Variants in PRAMEF20 observed in about 807,000 individuals in gnomAD.
PRAMEF20 encodes PRAME family member 20/21.
A neutral mutation model predicts 32.4 loss-of-function variants in PRAMEF20; 27 were observed. The ratio of observed to expected loss-of-function variants is 0.83; its 90% confidence interval spans 0.61 to 1.15. The LOEUF (loss-of-function observed/expected upper bound fraction) is 1.15, where lower values mean the gene tolerates loss of function less well. Among genes scored for constraint, PRAMEF20 ranks in the 50% most tolerant of loss-of-function variants. The pLI, the probability that PRAMEF20 is intolerant of heterozygous loss-of-function variation, is 0.00. For synonymous variants in PRAMEF20, 256 were observed against 235.4 expected (o/e 1.09, Z -0.80); for missense variants, 604 against 584.5 (o/e 1.03, Z -0.34).
chr1:13,417,633 C>A (rs899317956), intron 1 of PRAMEF20, among the ~76,000 whole-genome samples: 2 of 150,114 alleles, frequency 1.3e-5, no homozygotes, highest in African/African-American at 4.9e-5. Context: ...GGGCAGGATC[C>A]AAGGGTAAAA....
At chr1:13,416,721 G>A (rs968051497) in intron 1 of PRAMEF20, 80 bp downstream of exon 2, 1 of 1,609,530 alleles carries the variant, frequency 6.2e-7, no homozygotes, top group Non-Finnish European at 8.5e-7. Context: ...GAGTGAGGAG[G>A]TCCAAGGAGG....
upstream of PRAMEF20, among the ~76,000 whole-genome samples, chr1:13,411,421 C>T (rs1447465668): frequency 2.6e-5 from 4 of 151,952 alleles, no homozygotes; most frequent in Admixed American, 2.0e-4. Flanking sequence ...CAACCCACCC[C>T]CCTTCAAAAA....
At chr1:13,412,979 C>T (rs1221444016), upstream of PRAMEF20, among the ~76,000 whole-genome samples, 1 of 152,160 alleles carries the variant, frequency 6.6e-6, no homozygotes, top group Non-Finnish European at 1.5e-5. Context: ...TCACTGGATA[C>T]ATGATGATTT....
At chr1:13,415,397 T>C (rs1198184479), upstream of PRAMEF20, among the ~76,000 whole-genome samples, 1 of 152,200 alleles carries the variant, frequency 6.6e-6, no homozygotes, top group Non-Finnish European at 1.5e-5. Flanking sequence ...GGTTCATTTT[T>C]AATATGTGTA....
At chr1:13,417,733 CCTTT>C (rs1157852843) in intron 1 of PRAMEF20, among the ~76,000 whole-genome samples, 1 of 105,100 alleles carries the variant, frequency 9.5e-6, no homozygotes, top group Non-Finnish European at 1.8e-5. Flanking sequence ...AGAAGTGAGT[CCTTT>C]TTTTTTTTTT....
chr1:13,420,597 G>C, intron 2 of PRAMEF20, 100 bp from the exon 4 acceptor site: 1 of 1,536,804 alleles, frequency 6.5e-7, no homozygotes, highest in Admixed American at 1.7e-5. Context: ...CCCTGGGCTT[G>C]GGCAAAATGG....
At chr1:13,414,712 G>A (rs1305403797), upstream of PRAMEF20, among the ~76,000 whole-genome samples, 10 of 151,582 alleles carry the variant, frequency 6.6e-5, no homozygotes, top group Admixed American at 5.3e-4. Flanking sequence ...TGATACACCC[G>A]CTGCAGCCTC....
exon 2 of PRAMEF20, chr1:13,418,280 T>C (rs1641204733): frequency 6.2e-7 from 1 of 1,613,904 alleles, no homozygotes; most frequent in Non-Finnish European, 8.5e-7. Flanking sequence ...CCCTTGACTG[T>C]GTTCATAGAC....
At chr1:13,416,545 T>G in exon 1 of PRAMEF20, 1 of 1,614,158 alleles carries the variant, frequency 6.2e-7, no homozygotes, top group Non-Finnish European at 8.5e-7. Context: ...TTCCTCCGCC[T>G]TCCTCTGGGG....
At chr1:13,415,580 A>G (rs984404806), upstream of PRAMEF20, among the ~76,000 whole-genome samples, 627 of 151,644 alleles carry the variant, frequency 4.1e-3, no homozygotes, top group Non-Finnish European at 6.7e-3. Flanking sequence ...TAGGAGTTCA[A>G]GACCAGCCTG....
chr1:13,416,968 T>A (rs964714982), intron 1 of PRAMEF20, among the ~76,000 whole-genome samples: 1 of 152,096 alleles, frequency 6.6e-6, no homozygotes, highest in Admixed American at 6.5e-5. Flanking sequence ...AGTCAGGAGT[T>A]CAAGACCAGC....
At chr1:13,411,573 T>TAATTTTCCCATCAGTTTAA (rs1641114556), upstream of PRAMEF20, among the ~76,000 whole-genome samples, 2 of 152,220 alleles carry the variant, frequency 1.3e-5, no homozygotes, top group South Asian at 4.1e-4. Flanking sequence ...ATCCTGGGTG[T>TAATTTTCCCATCAGTTTAA]AATTTTCCCA....
intron 1 of PRAMEF20, among the ~76,000 whole-genome samples, chr1:13,417,413 C>G (rs1641188764): frequency 6.6e-6 from 1 of 151,988 alleles, no homozygotes; most frequent in Non-Finnish European, 1.5e-5. Context: ...GGCCTCACCT[C>G]TGAACATGGT....
chr1:13,416,321 G>A, upstream of PRAMEF20: 4 of 1,612,138 alleles, frequency 2.5e-6, no homozygotes, highest in Non-Finnish European at 1.7e-6. Context: ...CTCTGGATTT[G>A]TCCTCTGGAA....
chr1:13,419,390 C>G (rs1641217993), intron 2 of PRAMEF20, among the ~76,000 whole-genome samples: 1 of 151,960 alleles, frequency 6.6e-6, no homozygotes, highest in Admixed American at 6.6e-5. Flanking sequence ...CTCAGGTGAT[C>G]CACCCACTTC....
At chr1:13,420,842 G>A in exon 3 of PRAMEF20, 3 of 1,613,908 alleles carry the variant, frequency 1.9e-6, no homozygotes, top group Non-Finnish European at 2.5e-6. Context: ...TTTCAGCCTT[G>A]TGCCGCTCCA....
At chr1:13,413,891 C>G (rs1485600324), upstream of PRAMEF20, among the ~76,000 whole-genome samples, 1 of 152,112 alleles carries the variant, frequency 6.6e-6, no homozygotes, top group South Asian at 2.1e-4. Flanking sequence ...CAAGATGGCA[C>G]AGAGAATTAT....
the PRAMEF20 span, among the ~76,000 whole-genome samples, chr1:13,410,911 G>T: frequency 6.6e-6 from 1 of 151,876 alleles, no homozygotes; most frequent in Non-Finnish European, 1.5e-5. Context: ...AGGCTGCAGT[G>T]CAGTGGCATG....
exon 2 of PRAMEF20, chr1:13,418,241 A>G: frequency 1.2e-6 from 2 of 1,613,878 alleles, no homozygotes; most frequent in South Asian, 1.1e-5. Flanking sequence ...AAACCACTGC[A>G]GGACTGTCCA....
Sources: allele counts gnomAD v4.1 joint callset (sites outside exome capture counted in the v4.1 genomes callset), GRCh38; gene constraint gnomAD v4.1.1; transcripts MANE v1.5; gene names NCBI Gene and HGNC (gene_info 2026-07-23, HGNC 2026-07-21).